The following VPS13B variants were observed in gnomAD, a reference collection of about 807,000 sequenced individuals.
VPS13B encodes the protein vacuolar protein sorting 13 homolog B.
In VPS13B, 285 loss-of-function variants were observed where a neutral mutation model predicts 426.4. The ratio of observed to expected loss-of-function variants is 0.67; its 90% CI spans 0.61 to 0.74. The LOEUF is 0.74. Ranked by LOEUF, VPS13B falls within the 30% of genes least tolerant of loss-of-function variation. The probability of loss-of-function intolerance (pLI) is 0.00; values close to 1 mark genes in which losing one functional copy is unlikely to be tolerated. For missense variants in VPS13B, 4,537 were observed against 4,782.6 expected (o/e 0.95, Z 1.51); for synonymous variants, 1,676 against 1,676.4 (o/e 1.00, Z 0.01).
chr8:99,283,846 C>A (rs1819286915), intron 19 of VPS13B, among the ~76,000 whole-genome samples: 1 of 152,170 alleles, frequency 6.6e-6, no homozygotes, highest in South Asian at 2.1e-4. Context: ...ATAATGCAAA[C>A]AATTTCTAAA....
intron 21 of VPS13B, among the ~76,000 whole-genome samples, chr8:99,395,291 A>T (rs561231611): frequency 6.6e-6 from 1 of 152,202 alleles, no homozygotes; most frequent in Admixed American, 6.5e-5. Context: ...GGGAGCAACA[A>T]TAGAGTTCTT....
At chr8:99,750,136 G>T (rs1481777361) in intron 39 of VPS13B, among the ~76,000 whole-genome samples, 1 of 152,092 alleles carries the variant, frequency 6.6e-6, no homozygotes, top group African/African-American at 2.4e-5. Flanking sequence ...TATGCATTTA[G>T]TTTTAATTGA....
At chr8:99,418,658 C>T (rs938196553) in intron 21 of VPS13B, among the ~76,000 whole-genome samples, 1 of 152,042 alleles carries the variant, frequency 6.6e-6, no homozygotes, top group African/African-American at 2.4e-5. Flanking sequence ...AAGTGGTTCT[C>T]CTGCCTCAGC....
chr8:99,076,457 C>T (rs939300119), intron 3 of VPS13B, among the ~76,000 whole-genome samples: 7 of 152,078 alleles, frequency 4.6e-5, no homozygotes, highest in African/African-American at 7.2e-5. Context: ...GTGGGGTATT[C>T]AAATGCCCCA....
chr8:99,110,851 A>G (rs1847322040), intron 5 of VPS13B, among the ~76,000 whole-genome samples: 1 of 151,962 alleles, frequency 6.6e-6, no homozygotes, highest in Non-Finnish European at 1.5e-5. Context: ...GGGCAAACTA[A>G]TTAGGTCTCT....
chr8:99,731,943 A>G (rs576346895), intron 39 of VPS13B, among the ~76,000 whole-genome samples: 13 of 152,296 alleles, frequency 8.5e-5, no homozygotes, highest in East Asian at 3.9e-4. Context: ...CCCTATTACA[A>G]TGAAGAAGCT....
intron 20 of VPS13B, among the ~76,000 whole-genome samples, chr8:99,387,437 C>T (rs1019501848): frequency 4.6e-5 from 7 of 151,848 alleles, no homozygotes; most frequent in Non-Finnish European, 7.4e-5. Flanking sequence ...TGCCCCGGCT[C>T]GTCTAAAACT....
rs751880506 is a variant in VPS13B at position 99,861,939 on chromosome 8, C to T, written c.11208C>T (p.Ser3736=). 1.9e-4 allele frequency: 300 copies of T among 1,591,920 alleles called. 1 individual carries two copies. The highest frequency in any genetic ancestry group is 2.5e-4 in the Non-Finnish European group (289 of 1,170,850). The change falls in exon 58 of 62, where the codon AGC becomes AGT. Residue 3736 remains serine (S), a synonymous_variant. Transcript: ENST00000357162. ...AGGGCCTGTCCCGGCTGGGCATCAG[C>T]CTGCTTGGTAAGGGGCTGCGGGGCC... ...LRQGLSRLGI[S]LLGAIAGIVD...
At chr8:99,043,891 A>G (rs997615942) in intron 3 of VPS13B, among the ~76,000 whole-genome samples, 1 of 151,782 alleles carries the variant, frequency 6.6e-6, no homozygotes, top group Non-Finnish European at 1.5e-5. Context: ...CTGTCTCTGT[A>G]TCTTAAGTAT....
chr8:99,145,695 C>T (rs1005867392), intron 13 of VPS13B, among the ~76,000 whole-genome samples: 4 of 151,684 alleles, frequency 2.6e-5, no homozygotes, highest in Non-Finnish European at 5.9e-5. Context: ...TATACATATA[C>T]TATAGTTTGT....
chr8:99,578,760 A>G (rs1044331658), intron 33 of VPS13B, among the ~76,000 whole-genome samples: 1 of 152,186 alleles, frequency 6.6e-6, no homozygotes, highest in Non-Finnish European at 1.5e-5. Flanking sequence ...TTCCTATATT[A>G]TTTGTGCCAA....
intron 21 of VPS13B, among the ~76,000 whole-genome samples, chr8:99,397,434 C>T (rs555410950): frequency 6.9e-4 from 105 of 152,300 alleles, no homozygotes; most frequent in African/African-American, 2.4e-3. Context: ...TGAGCCACCA[C>T]ATCTGGCCTG....
At chr8:99,105,936 G>A (rs959080506) in intron 5 of VPS13B, among the ~76,000 whole-genome samples, 2 of 152,160 alleles carry the variant, frequency 1.3e-5, no homozygotes, top group Admixed American at 1.3e-4. Flanking sequence ...AGCTCATGAT[G>A]ATGGTGGTGA....
At chr8:99,482,867 C>G (rs1588425799) in intron 25 of VPS13B, among the ~76,000 whole-genome samples, 1 of 152,064 alleles carries the variant, frequency 6.6e-6, no homozygotes, top group African/African-American at 2.4e-5. Context: ...ACCTTTAAAT[C>G]CCAATAATGA....
In VPS13B at chr8:99,275,220, A is replaced by C. The variant is rs1178174049; in HGVS notation, c.2790A>C (p.Gln930His). Residue 930 changes from glutamine to histidine, a missense_variant, in exon 19 of 62, where the codon CAA becomes CAC. Physicochemically the swap from Gln to His is conservative, Grantham distance 24 (BLOSUM62 0). This residue lies in a region of VPS13B where 4,311 missense variants were observed against 4,474.3 expected (regional missense o/e 0.96). Coordinates refer to ENST00000357162, the MANE Select transcript of VPS13B (RefSeq NM_152564.5). ...CAGATTTGATGGCCTTCACAATCCAAGTTCCACAATATATTGACTACTGCC... is the reference window on the plus strand; with the variant it reads ...CAGATTTGATGGCCTTCACAATCCACGTTCCACAATATATTGACTACTGCC... ...LAPDLMAFTI[Q>H]VPQYIDYCHN... is the part of the protein sequence containing the mutation. 1 of 1,612,734 alleles carries C rather than the reference A, an allele frequency of 6.2e-7. No individual in the cohort carries two copies. Among genetic ancestry groups the C allele is most frequent in the East Asian group, 2.2e-5 (1 of 44,746 alleles).
chr8:99,811,571 C>G (rs942994552), intron 44 of VPS13B, among the ~76,000 whole-genome samples: 1 of 152,154 alleles, frequency 6.6e-6, no homozygotes, highest in Non-Finnish European at 1.5e-5. Flanking sequence ...AATTTGACTA[C>G]TATAGCTCCA....
intron 3 of VPS13B, among the ~76,000 whole-genome samples, chr8:99,088,290 G>T (rs757099729): frequency 2.4e-4 from 36 of 151,216 alleles, no homozygotes; most frequent in Non-Finnish European, 4.1e-4. Context: ...TTAGAGATTA[G>T]TGTTGTCTTA....
chr8:99,828,668 A>T (rs1006260138), intron 51 of VPS13B, among the ~76,000 whole-genome samples: 1 of 151,856 alleles, frequency 6.6e-6, no homozygotes, highest in Non-Finnish European at 1.5e-5. Context: ...TTTGCCCATT[A>T]GTTGGTGCAG....
At chr8:99,016,884 C>T (rs369683759) in intron 2 of VPS13B, among the ~76,000 whole-genome samples, 20 of 152,186 alleles carry the variant, frequency 1.3e-4, no homozygotes, top group African/African-American at 4.1e-4. Flanking sequence ...CCACTGCGCC[C>T]GGCCAGGAAT....
Sources: allele counts gnomAD v4.1 joint callset (sites outside exome capture counted in the v4.1 genomes callset), GRCh38; gene constraint gnomAD v4.1.1; regional missense constraint gnomAD v4.1.1; transcripts MANE v1.5; gene names NCBI Gene and HGNC (gene_info 2026-07-23, HGNC 2026-07-21).